SMC6: variants seen among roughly 807,000 people sequenced by gnomAD.
SMC6 encodes the protein structural maintenance of chromosomes protein 6.
SMC6 carries 79 observed loss-of-function variants against 142.2 expected under a neutral mutation model. That is an observed-to-expected ratio of 0.56 (90% CI 0.46 to 0.67). The LOEUF (loss-of-function observed/expected upper bound fraction) is 0.67, where lower values mean the gene tolerates loss of function less well. Ranked by LOEUF, SMC6 falls within the 30% of genes least tolerant of loss-of-function variation. The pLI is 0.00. For synonymous variants in SMC6, 411 were observed against 412.4 expected (o/e 1.00, Z 0.04); for missense variants, 1,072 against 1,284.0 (o/e 0.83, Z 2.52).
At chr2:17,667,954 A>G (rs1046856711) in intron 26 of SMC6, among the ~76,000 whole-genome samples, 1 of 152,240 alleles carries the variant, frequency 6.6e-6, no homozygotes, top group Non-Finnish European at 1.5e-5. Context: ...CATCCTGGCT[A>G]TATTGCTCAA....
intron 6 of SMC6, 86 bp downstream of exon 6, chr2:17,731,655 T>C (rs1317393422): frequency 3.1e-6 from 4 of 1,283,348 alleles, no homozygotes; most frequent in South Asian, 2.7e-5. Context: ...ACAAGGAAGA[T>C]AGTTCAATCA....
rs1335578018 is a variant in SMC6, at chr2:17,669,940, G to A, written c.3063+483C>T. On this transcript the variant is annotated intron_variant, in intron 26 of 27. Transcript: ENST00000448223. ...GAGATATTTTGCCTGTCAGAGGTAG[G>A]TCTCAAATCCTATGCTTTTTAACTG... Among the ~76,000 whole-genome samples, 4 of 152,138 alleles carry A rather than the reference G, an allele frequency of 2.6e-5. No individual in the cohort carries two copies. In the South Asian group the frequency reaches 8.3e-4, roughly 32 times the overall value.
At chr2:17,729,121 A>G (rs1463751250) in intron 7 of SMC6, among the ~76,000 whole-genome samples, 1 of 152,066 alleles carries the variant, frequency 6.6e-6, no homozygotes, top group Non-Finnish European at 1.5e-5. Context: ...TTAATAACAT[A>G]TTTTTAATCA....
chr2:17,687,038 T>C (rs1667487419), intron 23 of SMC6, among the ~76,000 whole-genome samples: 1 of 152,142 alleles, frequency 6.6e-6, no homozygotes, highest in Non-Finnish European at 1.5e-5. Context: ...TATTCCAAAA[T>C]CCAAAATACT....
At chr2:17,711,744 G>C (rs1231885480) in intron 16 of SMC6, among the ~76,000 whole-genome samples, 1 of 152,068 alleles carries the variant, frequency 6.6e-6, no homozygotes, top group Non-Finnish European at 1.5e-5. Flanking sequence ...TCAGGCTCCT[G>C]AGTAGCTGGG....
intron 8 of SMC6, 124 bp from the exon 9 acceptor site, chr2:17,725,482 A>C (rs764698877): frequency 3.4e-6 from 2 of 591,614 alleles, no homozygotes; most frequent in Non-Finnish European, 5.7e-6. Flanking sequence ...AGACATTAAA[A>C]ACGTAAGCAA....
chr2:17,688,422 C>T (rs766224157), intron 23 of SMC6, among the ~76,000 whole-genome samples: 1 of 151,756 alleles, frequency 6.6e-6, no homozygotes, highest in Non-Finnish European at 1.5e-5. Context: ...TTAAAATAGG[C>T]CATGCAGTGG....
intron 4 of SMC6, chr2:17,740,968 AG>A: frequency 3.5e-6 from 1 of 286,410 alleles, no homozygotes; most frequent in South Asian, 2.8e-5. Flanking sequence ...ATGACATTCA[AG>A]ATCCTCAACA....
chr2:17,665,880 T>C (rs1017996892), intron 27 of SMC6, among the ~76,000 whole-genome samples: 9 of 152,226 alleles, frequency 5.9e-5, no homozygotes, highest in African/African-American at 1.9e-4. Flanking sequence ...CTATTTTAAA[T>C]TTCTGTTATT....
At chr2:17,734,104 C>T (rs879463017) in intron 5 of SMC6, among the ~76,000 whole-genome samples, 1 of 151,988 alleles carries the variant, frequency 6.6e-6, no homozygotes, top group Admixed American at 6.6e-5. Context: ...GCAGAACAAA[C>T]CAATGGGAGG....
chr2:17,737,779 G>A (rs148738501), intron 5 of SMC6, among the ~76,000 whole-genome samples: 2 of 152,200 alleles, frequency 1.3e-5, no homozygotes, highest in Admixed American at 1.3e-4. Flanking sequence ...TCTTATTTTG[G>A]GACTTCTTAG....
intron 2 of SMC6, among the ~76,000 whole-genome samples, chr2:17,750,967 T>TGCCCTCCA (rs1670996779): frequency 1.7e-5 from 2 of 120,076 alleles, no homozygotes; most frequent in Admixed American, 2.1e-4. Context: ...ATCATGTCAC[T>TGCCCTCCA]GCCCTCCAGC....
At chr2:17,689,718 T>C (rs956037029) in intron 23 of SMC6, among the ~76,000 whole-genome samples, 2 of 152,250 alleles carry the variant, frequency 1.3e-5, no homozygotes, top group Non-Finnish European at 1.5e-5. Flanking sequence ...AATGTCATAG[T>C]ATTTGCATAT....
intron 4 of SMC6, among the ~76,000 whole-genome samples, chr2:17,741,007 G>A (rs1670444443): frequency 6.6e-6 from 1 of 152,100 alleles, no homozygotes; most frequent in Non-Finnish European, 1.5e-5. Context: ...ACTCTCCACA[G>A]TCAGCTTCTG....
At chr2:17,729,020 G>A (rs1669772872) in intron 7 of SMC6, among the ~76,000 whole-genome samples, 1 of 152,064 alleles carries the variant, frequency 6.6e-6, no homozygotes, top group African/African-American at 2.4e-5. Flanking sequence ...AAAGTGTGGG[G>A]ATAACAGATG....
chr2:17,700,468 A>C, intron 20 of SMC6, 90 bp from the exon 21 acceptor site: 1 of 1,016,364 alleles, frequency 9.8e-7, no homozygotes, highest in Non-Finnish European at 1.4e-6. Flanking sequence ...AGAGAGGAGA[A>C]ACTATAGGCT....
chr2:17,743,948 A>C (rs997444319), intron 3 of SMC6, among the ~76,000 whole-genome samples: 3 of 152,178 alleles, frequency 2.0e-5, no homozygotes, highest in African/African-American at 7.2e-5. Flanking sequence ...CATCGTCTGG[A>C]TATACCAGAG....
chr2:17,687,264 ATATACATGTGTGCGTGCATG>A lies in SMC6; in HGVS notation c.2679-3521_2679-3502del, dbSNP rs1667497770. ...GCCACAAGTGTATCCAATAGCACACATATACATGTGTGCGTGCATGTGCAAGATAATTCACTGCAGCATTA... is the reference window on the plus strand; with the variant it reads ...GCCACAAGTGTATCCAATAGCACACATGCAAGATAATTCACTGCAGCATTA... On this transcript the variant is annotated intron_variant, in intron 23 of 27. Transcript: ENST00000448223. Among the ~76,000 whole-genome samples the A allele has an allele frequency of 6.6e-5, 10 of 152,334 alleles. No homozygotes were observed. In the South Asian group the frequency reaches 2.1e-3, roughly 32 times the overall value.
chr2:17,681,257 ATGT>A (rs1321315740), intron 24 of SMC6: 1 of 152,234 alleles, frequency 6.6e-6, no homozygotes, highest in African/African-American at 2.4e-5. Context: ...ACTTAAGGGA[ATGT>A]TGTAGCTGCT....
Sources: gnomAD v4.1 joint callset for allele counts (sites outside exome capture counted in the v4.1 genomes callset) on GRCh38, gnomAD v4.1.1 for gene constraint, MANE v1.5 for transcripts, NCBI Gene and HGNC (gene_info 2026-07-23, HGNC 2026-07-21) for gene names.